The following RBKS variants were observed in gnomAD, a reference collection of about 807,000 sequenced individuals.
RBKS encodes the protein ribokinase.
In RBKS, 33 loss-of-function variants were observed where a neutral mutation model predicts 33.9. The observed-to-expected ratio is 0.97, with a 90% CI of 0.74 to 1.30. RBKS has a LOEUF of 1.30. Among genes scored for constraint, RBKS ranks in the 50% most tolerant of loss-of-function variants. The pLI, the probability that RBKS is intolerant of heterozygous loss-of-function variation, is 0.00. For synonymous variants in RBKS, 125 were observed against 143.0 expected (o/e 0.87, Z 0.90); for missense variants, 361 against 392.6 (o/e 0.92, Z 0.68).
chr2:27,810,158 T>G lies in RBKS; in HGVS notation c.795+17409A>C. 8.0e-7 allele frequency: 1 copy of G among 1,246,686 alleles called. No homozygotes were observed. The highest frequency in any genetic ancestry group is 1.0e-6 in the Non-Finnish European group (1 of 958,412). 77.2% of individuals were successfully genotyped at this position (1,246,686 alleles called of 1,614,324 possible). ...TATGTCTTGGCTGGTGCACCTGGTA[T>G]ATTTGTCTACACAACCCAAATTCGT... On this transcript the variant is annotated intron_variant, in intron 7 of 7. Transcript: ENST00000302188. This position sits in a 1 kb window ranked among gnomAD's most constrained non-coding sequence, Gnocchi z 4.4.
chr2:27,832,605 T>G lies in RBKS; in HGVS notation c.606+81A>C, dbSNP rs148824274. ...GAGAATTCACGTCATCAAATTGATG[T>G]GGTTAGTTCTGCCCCTTTGCTTTAT... On this transcript the variant is annotated intron_variant, in intron 6 of 7. Coordinates refer to ENST00000302188, the MANE Select transcript of RBKS (RefSeq NM_022128.3). 1.2e-3 allele frequency: 1,009 copies of G among 835,452 alleles called. 19 individuals carry two copies. In the East Asian group the frequency reaches 0.021, roughly 17 times the overall value. 51.8% of individuals were successfully genotyped at this position (835,452 alleles called of 1,614,324 possible).
At chr2:27,889,834 G>A (rs1395760271) in intron 1 of RBKS, 1 of 162,666 alleles carries the variant, frequency 6.1e-6, no homozygotes, top group African/African-American at 2.4e-5. Context: ...TGTTACGCTT[G>A]ACAAAACACT....
chr2:27,788,909 T>A (rs778148000), intron 7 of RBKS, among the ~76,000 whole-genome samples: 4 of 152,182 alleles, frequency 2.6e-5, no homozygotes, highest in Non-Finnish European at 5.9e-5. Flanking sequence ...ATTCTTAAGA[T>A]ATAAATTCTC....
rs1275545320 is a variant in RBKS at position 27,890,269 on chromosome 2, G to A, written c.77C>T (p.Thr26Ile). The A allele has an allele frequency of 6.2e-7, 1 of 1,613,766 alleles. No homozygotes were observed. The highest frequency in any genetic ancestry group is 8.5e-7 in the Non-Finnish European group (1 of 1,179,992). Reference protein sequence around the residue: ...AAVVVVGSCMTDLVSLTSRLP... With the variant: ...AAVVVVGSCMIDLVSLTSRLP... ...GCCCCGGACTAACCTGACCAGGTCG[G>A]TCATGCAGGAGCCCACCACTACCAC... is the stretch of plus-strand genomic sequence containing the variant. Residue 26 changes from threonine (T) to isoleucine (I), a missense_variant, in exon 1 of 8, where the codon ACC becomes ATC. By Grantham distance (89) the Thr-to-Ile change is moderately conservative (BLOSUM62 -1). Transcript: ENST00000302188. The surrounding 1 kb of genome is among the most constrained non-coding windows in gnomAD (Gnocchi z 4.8).
chr2:27,806,381 G>A (rs1404493400), intron 7 of RBKS, among the ~76,000 whole-genome samples: 2 of 152,172 alleles, frequency 1.3e-5, no homozygotes, highest in African/African-American at 4.8e-5. Context: ...TCATTTCCCT[G>A]ACATAATGTT....
chr2:27,782,129 G>A (rs1440576836), intron 7 of RBKS, among the ~76,000 whole-genome samples: 1 of 151,828 alleles, frequency 6.6e-6, no homozygotes, highest in Admixed American at 6.6e-5. Flanking sequence ...GGCTGTGATA[G>A]TTTCTTAGAC....
intron 7 of RBKS, among the ~76,000 whole-genome samples, chr2:27,815,585 G>A (rs931522678): frequency 5.3e-5 from 8 of 152,242 alleles, no homozygotes; most frequent in Admixed American, 5.2e-4. Flanking sequence ...AATCTTTTGT[G>A]TTGTCCTGGC....
At chr2:27,878,752 G>T (rs1376720064) in intron 1 of RBKS, among the ~76,000 whole-genome samples, 1 of 152,152 alleles carries the variant, frequency 6.6e-6, no homozygotes, top group Non-Finnish European at 1.5e-5. Context: ...ATCTCATTAT[G>T]GTTTTGATTT....
chr2:27,826,597 G>A (rs1678318374), intron 7 of RBKS, among the ~76,000 whole-genome samples: 1 of 151,976 alleles, frequency 6.6e-6, no homozygotes, highest in Admixed American at 6.6e-5. Context: ...TTAGTAGAAT[G>A]GGGTTTCACC....
intron 7 of RBKS, among the ~76,000 whole-genome samples, chr2:27,824,357 CT>C (rs1423613508): frequency 6.6e-6 from 1 of 152,182 alleles, no homozygotes; most frequent in Non-Finnish European, 1.5e-5. Flanking sequence ...AGTAAAACTC[CT>C]TACCCATTAG....
chr2:27,861,673 G>GTGT, intron 1 of RBKS: 1 of 412,554 alleles, frequency 2.4e-6, no homozygotes, highest in South Asian at 1.8e-5. Context: ...TGGGGGGGGG[G>GTGT]TGGAGTCTCA....
intron 2 of RBKS, among the ~76,000 whole-genome samples, chr2:27,853,256 C>T (rs148053216): frequency 6.6e-6 from 1 of 150,668 alleles, no homozygotes; most frequent in Admixed American, 6.6e-5. Flanking sequence ...GTCTCAGCTA[C>T]TCTGGAGGCT....
rs147572778 is a variant in RBKS, at chr2:27,882,104, C to T, written c.89+8153G>A. On this transcript the variant is annotated intron_variant, in intron 1 of 7. Coordinates refer to ENST00000302188, the MANE Select transcript of RBKS (RefSeq NM_022128.3). ...CTAAAGAAAACTAAAAGCTTCTGTA[C>T]AGTAAAAGAAACTATTGAGTAAACA... 6.3e-3 allele frequency among the ~76,000 whole-genome samples: 965 copies of T among 152,086 alleles called. 7 individuals are homozygous for T. Among genetic ancestry groups the T allele is most frequent in the Non-Finnish European group, 7.9e-3 (538 of 67,980 alleles).
At chr2:27,786,289 A>G (rs989246001) in intron 7 of RBKS, among the ~76,000 whole-genome samples, 1 of 152,116 alleles carries the variant, frequency 6.6e-6, no homozygotes, top group Non-Finnish European at 1.5e-5. Flanking sequence ...AGCTTATAAT[A>G]TTTTTCCAAA....
intron 1 of RBKS, among the ~76,000 whole-genome samples, chr2:27,866,344 G>A (rs1411060539): frequency 6.6e-6 from 1 of 152,036 alleles, no homozygotes; most frequent in African/African-American, 2.4e-5. Flanking sequence ...GCTTTTAAGA[G>A]TCTCTGTTTA....
chr2:27,850,358 G>A (rs1344035416), intron 2 of RBKS, among the ~76,000 whole-genome samples: 2 of 152,094 alleles, frequency 1.3e-5, no homozygotes, highest in Non-Finnish European at 2.9e-5. Context: ...TTTACATTAG[G>A]GTTCACCCTT....
Position 27,789,867 on chromosome 2 carries a change from G to GGT in RBKS, c.796-8080_796-8079insAC, listed in dbSNP as rs1558532824. 2.9e-5 allele frequency among the ~76,000 whole-genome samples: 4 copies of GGT among 138,052 alleles called. No homozygotes were observed. In the East Asian group the frequency reaches 8.3e-4, roughly 29 times the overall value. 90.6% of individuals were successfully genotyped at this position (138,052 alleles called of 152,430 possible). A position where few individuals can be genotyped will look rare whatever the true frequency, so the allele number is the denominator to read the frequency against. ...CGTGAACCACCATGCCTGGCCAGCT[G>GGT]ATGTGTGTGTGTGTGTGTGTGTGTG... On this transcript the variant is annotated intron_variant, in intron 7 of 7. Coordinates refer to ENST00000302188, the MANE Select transcript of RBKS (RefSeq NM_022128.3).
rs534872001 is a variant in RBKS at position 27,812,207 on chromosome 2, C to G, written c.795+15360G>C. On this transcript the variant is annotated intron_variant, in intron 7 of 7. Coordinates refer to ENST00000302188, the MANE Select transcript of RBKS (RefSeq NM_022128.3). ...TCACACCAGTTAAAAAGTCAGGAAA[C>G]AACAGGTGCTGGAGAGGATGTGGAG... Among the ~76,000 whole-genome samples, 57 of 152,226 alleles carry G rather than the reference C, an allele frequency of 3.7e-4. No individual in the cohort carries two copies. The South Asian group carries it at 0.012, about 31-fold the overall frequency.
At chr2:27,789,957 ATATATATATATATATG>A (rs1423074376) in intron 7 of RBKS, among the ~76,000 whole-genome samples, 1 of 137,644 alleles carries the variant, frequency 7.3e-6, no homozygotes, top group Non-Finnish European at 1.5e-5. Flanking sequence ...GTGTATATAT[ATATATATATATATATG>A]TATATATATA....
Sources: allele counts gnomAD v4.1 joint callset (sites outside exome capture counted in the v4.1 genomes callset), GRCh38; gene constraint gnomAD v4.1.1; non-coding constraint Gnocchi (gnomAD v3.1); transcripts MANE v1.5; gene names NCBI Gene and HGNC (gene_info 2026-07-23, HGNC 2026-07-21).